The following MYO5C variants were observed in gnomAD, a reference collection of about 807,000 sequenced individuals.
The protein encoded by MYO5C is unconventional myosin-Vc.
Under a neutral mutation model 235.7 loss-of-function variants are expected in MYO5C, and 194 were observed. That is an observed-to-expected ratio of 0.82 (90% CI 0.73 to 0.93). MYO5C has a LOEUF of 0.93. Among genes scored for constraint, MYO5C ranks in the 40% least tolerant of loss-of-function variants. MYO5C has a pLI of 0.00. For missense variants in MYO5C, 2,038 were observed against 2,127.2 expected (o/e 0.96, Z 0.82); for synonymous variants, 707 against 754.8 (o/e 0.94, Z 1.04).
At chr15:52,234,705 C>A in intron 23 of MYO5C, among the ~76,000 whole-genome samples, 1 of 152,222 alleles carries the variant, frequency 6.6e-6, no homozygotes, top group East Asian at 1.9e-4. Flanking sequence ...GCATGGCCTG[C>A]TCCTCGTCAG....
chr15:52,232,920 A>G (rs922706156), intron 23 of MYO5C, among the ~76,000 whole-genome samples: 4 of 152,246 alleles, frequency 2.6e-5, no homozygotes, highest in African/African-American at 9.6e-5. Context: ...AGTTTCATTT[A>G]TAGTACTTTT....
At chr15:52,239,406 A>C (rs1197821840) in intron 21 of MYO5C, among the ~76,000 whole-genome samples, 2 of 152,238 alleles carry the variant, frequency 1.3e-5, no homozygotes, top group Non-Finnish European at 2.9e-5. Context: ...GCATGCGGAC[A>C]GCATCTTTGA....
At chr15:52,264,102 G>T in intron 9 of MYO5C, 88 bp downstream of exon 9, 2 of 962,578 alleles carry the variant, frequency 2.1e-6, no homozygotes, top group Non-Finnish European at 1.6e-6. Context: ...GACTATATCT[G>T]GTGCTAAAAA....
chr15:52,221,078 C>T (rs2035670813), intron 30 of MYO5C, 84 bp downstream of exon 30: 8 of 1,065,534 alleles, frequency 7.5e-6, no homozygotes, highest in Non-Finnish European at 1.1e-5. Context: ...AGTTTAAAAG[C>T]CCTGAGTACA....
At chr15:52,224,686 A>T (rs2035778249) in intron 28 of MYO5C, among the ~76,000 whole-genome samples, 1 of 152,186 alleles carries the variant, frequency 6.6e-6, no homozygotes, top group Non-Finnish European at 1.5e-5. Flanking sequence ...TGTATGGGTT[A>T]TGGGGTTTTT....
intron 5 of MYO5C, among the ~76,000 whole-genome samples, chr15:52,273,524 G>T (rs1293659643): frequency 6.6e-6 from 1 of 152,126 alleles, no homozygotes; most frequent in Non-Finnish European, 1.5e-5. Context: ...TGGAGCCCCT[G>T]GGAGTGGGAT....
At chr15:52,218,913 A>T (rs540437877) in intron 31 of MYO5C, among the ~76,000 whole-genome samples, 6 of 152,278 alleles carry the variant, frequency 3.9e-5, no homozygotes, top group Admixed American at 3.9e-4. Context: ...TCCTTCCCCC[A>T]ATAAGAGTTC....
At chr15:52,256,587 A>ACACACACACACACACACG in intron 11 of MYO5C, 52 bp downstream of exon 11, 73 of 567,858 alleles carry the variant, frequency 1.3e-4, no homozygotes, top group African/African-American at 9.8e-4. Context: ...ACACACACAC[A>ACACACACACACACACACG]CGCGCGCGCG....
intron 4 of MYO5C, 36 bp downstream of exon 4, chr15:52,278,837 C>T: frequency 6.2e-7 from 1 of 1,609,302 alleles, no homozygotes; most frequent in Non-Finnish European, 8.5e-7. Flanking sequence ...GGAGCATTGG[C>T]AGAGCAAGGG....
intron 36 of MYO5C, 111 bp downstream of exon 36, chr15:52,208,443 G>A: frequency 2.2e-6 from 2 of 902,512 alleles, no homozygotes; most frequent in Non-Finnish European, 3.5e-6. Flanking sequence ...AACAGATAAT[G>A]TGCTGTTGGC....
chr15:52,208,449 T>C (rs2035370166), intron 36 of MYO5C, 105 bp downstream of exon 36: 2 of 977,788 alleles, frequency 2.0e-6, no homozygotes, highest in African/African-American at 1.6e-5. Flanking sequence ...TAATGTGCTG[T>C]TGGCCTCCTG....
intron 8 of MYO5C, among the ~76,000 whole-genome samples, chr15:52,266,704 C>T (rs1461678138): frequency 2.0e-5 from 3 of 152,194 alleles, no homozygotes; most frequent in Non-Finnish European, 2.9e-5. Flanking sequence ...AGCAGTTTAA[C>T]ACCAGTGCCC....
At chr15:52,202,153 T>C (rs1349720613) in intron 38 of MYO5C, among the ~76,000 whole-genome samples, 1 of 152,050 alleles carries the variant, frequency 6.6e-6, no homozygotes, top group East Asian at 1.9e-4. Context: ...TCTACAAAAA[T>C]GGCATATGCC....
intron 5 of MYO5C, among the ~76,000 whole-genome samples, chr15:52,274,673 C>CG (rs999520635): frequency 2.2e-5 from 3 of 134,748 alleles, no homozygotes; most frequent in South Asian, 4.6e-4. Flanking sequence ...TCTTAGTACC[C>CG]CCCCCCCGAC....
chr15:52,233,698 G>A (rs141875773), intron 23 of MYO5C, among the ~76,000 whole-genome samples: 4 of 152,336 alleles, frequency 2.6e-5, no homozygotes, highest in Admixed American at 6.5e-5. Flanking sequence ...TCTGCAGGCC[G>A]AAGGGCAGGA....
intron 11 of MYO5C, among the ~76,000 whole-genome samples, chr15:52,253,873 T>G (rs1162613598): frequency 2.6e-5 from 4 of 152,078 alleles, no homozygotes; most frequent in Non-Finnish European, 1.5e-5. Flanking sequence ...GCCCACTGCT[T>G]AGAGATCTTC....
chr15:52,260,376 A>G (rs929596661), intron 10 of MYO5C, among the ~76,000 whole-genome samples: 2 of 152,192 alleles, frequency 1.3e-5, no homozygotes, highest in Non-Finnish European at 2.9e-5. Context: ...GTGCAAGCCT[A>G]GGTGACTTGT....
intron 3 of MYO5C, among the ~76,000 whole-genome samples, chr15:52,279,280 ATAAG>A (rs961208390): frequency 5.3e-5 from 8 of 152,324 alleles, no homozygotes; most frequent in African/African-American, 1.4e-4. Context: ...ATTGCCCAAA[ATAAG>A]TAATAAATGT....
chr15:52,273,961 C>T (rs1037956510), intron 5 of MYO5C, among the ~76,000 whole-genome samples: 2 of 152,090 alleles, frequency 1.3e-5, no homozygotes, highest in Non-Finnish European at 2.9e-5. Context: ...AACCTTTCCA[C>T]TCAACCAAAA....
Sources: allele counts gnomAD v4.1 joint callset (sites outside exome capture counted in the v4.1 genomes callset), GRCh38; gene constraint gnomAD v4.1.1; transcripts MANE v1.5; gene names NCBI Gene and HGNC (gene_info 2026-07-23, HGNC 2026-07-21).